The following WWC2 variants were observed in gnomAD, a reference collection of about 807,000 sequenced individuals.
WWC2 encodes the protein protein WWC2.
A neutral mutation model predicts 138.5 loss-of-function variants in WWC2; 101 were observed. That is an observed-to-expected ratio of 0.73 (90% confidence interval 0.62 to 0.86). WWC2 has a LOEUF of 0.86. Among genes scored for constraint, WWC2 ranks in the 40% least tolerant of loss-of-function variants. The pLI, the probability that WWC2 is intolerant of heterozygous loss-of-function variation, is 0.00. For missense variants in WWC2, 1,420 were observed against 1,419.4 expected, an observed-to-expected ratio of 1.00 and a Z score of -0.01; for synonymous variants, 558 against 538.4, an observed-to-expected ratio of 1.04 and a Z score of -0.50.
chr4:183,102,320 A>G (rs572944087), intron 1 of WWC2, among the ~76,000 whole-genome samples: 5 of 152,336 alleles, frequency 3.3e-5, no homozygotes, highest in South Asian at 4.1e-4. Flanking sequence ...CAGTTTAGGA[A>G]CTGAGTGACC....
intron 1 of WWC2, among the ~76,000 whole-genome samples, chr4:183,151,503 G>A (rs545643640): frequency 6.0e-4 from 91 of 152,314 alleles, no homozygotes; most frequent in African/African-American, 2.1e-3. Context: ...TGTTCACTCT[G>A]ATGGTAGTTT....
chr4:183,218,706 C>T (rs537703451), intron 4 of WWC2, among the ~76,000 whole-genome samples: 10 of 152,178 alleles, frequency 6.6e-5, no homozygotes, highest in Admixed American at 6.5e-5. Context: ...GGCTGGCAGG[C>T]GGAGACCCAG....
intron 21 of WWC2, among the ~76,000 whole-genome samples, chr4:183,301,699 T>C (rs1452406734): frequency 6.6e-6 from 1 of 152,262 alleles, no homozygotes; most frequent in Non-Finnish European, 1.5e-5. Flanking sequence ...AGGATATTTT[T>C]GCTTTGAGAA....
At chr4:183,299,258 C>T (rs1452314071) in intron 21 of WWC2, among the ~76,000 whole-genome samples, 2 of 151,996 alleles carry the variant, frequency 1.3e-5, no homozygotes, top group Admixed American at 6.6e-5. Flanking sequence ...TCTCAAAGGT[C>T]CCACCTCTCA....
rs148120540 is a variant in WWC2, at chr4:183,236,578, A to G, written c.523-3605A>G. On this transcript the variant is annotated intron_variant, in intron 4 of 22. Transcript: ENST00000403733. The stretch of plus-strand genomic sequence containing the variant: ...TCAGTTATTGTTACAGGTGTATACT[A>G]TTAAGTTAGGTTTTCAGTTTTGTCT... Among the ~76,000 whole-genome samples the G allele has an allele frequency of 8.5e-3, 1,294 of 152,314 alleles. 32 individuals are homozygous for G. Among genetic ancestry groups the G allele is most frequent in the African/African-American group, 0.029 (1,220 of 41,582 alleles).
chr4:183,289,465 G>A lies in WWC2; in HGVS notation c.3214G>A (p.Asp1072Asn). ...GCGGACATCTCTAGACTTAGAACTG[G>A]ACCTTCAGGCATCTCTGACCCGGCA... ...PVRTSLDLEL[D>N]LQASLTRQSR... is the part of the protein sequence containing the mutation. Residue 1072 changes from aspartate (D) to asparagine (N), a missense_variant, in exon 21 of 23, where the codon GAC becomes AAC. Physicochemically the swap from Asp to Asn is conservative, Grantham distance 23. Transcript: ENST00000403733. 4 of 1,613,416 alleles carry A rather than the reference G, an allele frequency of 2.5e-6. No homozygotes were observed. The highest frequency in any genetic ancestry group is 2.2e-5 in the East Asian group (1 of 44,848).
At chr4:183,193,165 T>C (rs1216574927) in intron 1 of WWC2, among the ~76,000 whole-genome samples, 1 of 152,214 alleles carries the variant, frequency 6.6e-6, no homozygotes, top group Non-Finnish European at 1.5e-5. Flanking sequence ...TTTAGTTAAT[T>C]TATAAATGGG....
chr4:183,219,671 A>G (rs191962322), intron 4 of WWC2, among the ~76,000 whole-genome samples: 104 of 152,356 alleles, frequency 6.8e-4, no homozygotes, highest in Admixed American at 7.2e-4. Context: ...TTGACTATTC[A>G]TAAAGTAGTG....
At chr4:183,256,128 C>G (rs1488488718) in intron 9 of WWC2, among the ~76,000 whole-genome samples, 1 of 152,238 alleles carries the variant, frequency 6.6e-6, no homozygotes, top group South Asian at 2.1e-4. Flanking sequence ...TCTGAGTTAC[C>G]TGGAAGAGCC....
chr4:183,292,598 A>G (rs900509799), intron 21 of WWC2, among the ~76,000 whole-genome samples: 2 of 149,666 alleles, frequency 1.3e-5, no homozygotes, highest in Middle Eastern at 3.4e-3. Context: ...AGAAAATCCT[A>G]TAACTCTTTA....
chr4:183,162,336 G>A (rs1733986030), intron 1 of WWC2, among the ~76,000 whole-genome samples: 1 of 152,032 alleles, frequency 6.6e-6, no homozygotes, highest in South Asian at 2.1e-4. Context: ...AATTCTCAAA[G>A]GTCATGGAAT....
intron 14 of WWC2, among the ~76,000 whole-genome samples, chr4:183,266,734 T>C (rs1345630563): frequency 2.6e-5 from 4 of 152,198 alleles, no homozygotes; most frequent in Non-Finnish European, 5.9e-5. Context: ...TGGATCTTAA[T>C]AATATTTTGA....
intron 1 of WWC2, among the ~76,000 whole-genome samples, chr4:183,117,217 T>TC (rs1329374121): frequency 3.0e-5 from 4 of 134,746 alleles, no homozygotes; most frequent in East Asian, 2.1e-4. Flanking sequence ...TTCTTCTTCT[T>TC]TTTTTTTTTT....
chr4:183,188,686 C>T (rs13135002), intron 1 of WWC2, among the ~76,000 whole-genome samples: 1 of 144,322 alleles, frequency 6.9e-6, no homozygotes, highest in Non-Finnish European at 1.5e-5. Flanking sequence ...GCTCTTGTCC[C>T]CAGGCTGGAG....
chr4:183,274,449 T>G (rs1466035710), intron 16 of WWC2, among the ~76,000 whole-genome samples: 1 of 152,214 alleles, frequency 6.6e-6, no homozygotes, highest in Non-Finnish European at 1.5e-5. Context: ...TCATTTTTCT[T>G]TTTTATTTTT....
chr4:183,263,327 A>C (rs970146420), intron 11 of WWC2, among the ~76,000 whole-genome samples: 1 of 152,130 alleles, frequency 6.6e-6, no homozygotes, highest in African/African-American at 2.4e-5. Context: ...AAAGTTGCCT[A>C]AAGTCTGTCA....
At chr4:183,127,220 G>A (rs1338791991) in intron 1 of WWC2, among the ~76,000 whole-genome samples, 1 of 152,058 alleles carries the variant, frequency 6.6e-6, no homozygotes, top group Admixed American at 6.6e-5. Flanking sequence ...AGGAAAGCAA[G>A]AAGAAAAATA....
chr4:183,269,193 A>G (rs1359641015), intron 15 of WWC2, 30 bp downstream of exon 15: 1 of 1,502,830 alleles, frequency 6.7e-7, no homozygotes, highest in South Asian at 1.2e-5. Flanking sequence ...CCATTACCAA[A>G]TAGCACTTAG....
intron 1 of WWC2, among the ~76,000 whole-genome samples, chr4:183,156,944 T>G (rs1217025112): frequency 6.6e-6 from 1 of 152,204 alleles, no homozygotes; most frequent in Non-Finnish European, 1.5e-5. Flanking sequence ...TCGTACTCAT[T>G]AATTTTTGTT....
Sources: gnomAD v4.1 joint callset for allele counts (sites outside exome capture counted in the v4.1 genomes callset) on GRCh38, gnomAD v4.1.1 for gene constraint, MANE v1.5 for transcripts, NCBI Gene and HGNC (gene_info 2026-07-23, HGNC 2026-07-21) for gene names.